MACROD2: variants seen among roughly 807,000 people sequenced by gnomAD.
MACROD2 encodes the protein ADP-ribose glycohydrolase MACROD2.
A neutral mutation model predicts 70.4 loss-of-function variants in MACROD2; 36 were observed. The observed-to-expected ratio is 0.51, with a 90% CI of 0.39 to 0.68. The LOEUF is 0.68. Among genes scored for constraint, MACROD2 ranks in the 30% least tolerant of loss-of-function variants. The pLI, the probability that MACROD2 is intolerant of heterozygous loss-of-function variation, is 0.00. For synonymous variants in MACROD2, 172 were observed against 178.8 expected (o/e 0.96, Z 0.30); for missense variants, 496 against 538.4 (o/e 0.92, Z 0.78).
intron 8 of MACROD2, among the ~76,000 whole-genome samples, chr20:15,804,248 T>G (rs1389945822): frequency 1.3e-5 from 2 of 152,216 alleles, no homozygotes; most frequent in Non-Finnish European, 2.9e-5. Flanking sequence ...GGATGGTTTT[T>G]TAAATTGTAG....
At chr20:14,028,810 A>G (rs1438172959) in intron 2 of MACROD2, among the ~76,000 whole-genome samples, 1 of 151,998 alleles carries the variant, frequency 6.6e-6, no homozygotes, top group African/African-American at 2.4e-5. Flanking sequence ...ACCGTCATTG[A>G]TCTCGCTGGG....
At chr20:14,414,778 G>C (rs1190563782) in intron 3 of MACROD2, among the ~76,000 whole-genome samples, 1 of 152,080 alleles carries the variant, frequency 6.6e-6, no homozygotes, top group Non-Finnish European at 1.5e-5. Flanking sequence ...TCCCTCTGCT[G>C]GGAATCCTGT....
intron 3 of MACROD2, among the ~76,000 whole-genome samples, chr20:14,184,065 C>A (rs1028973200): frequency 1.3e-5 from 2 of 151,968 alleles, no homozygotes; most frequent in African/African-American, 4.8e-5. Context: ...TCAATTTTTA[C>A]TTTTGTTACA....
At chr20:14,066,957 G>A (rs188794206) in intron 2 of MACROD2, among the ~76,000 whole-genome samples, 189 of 150,966 alleles carry the variant, frequency 1.3e-3, no homozygotes, top group Non-Finnish European at 2.0e-3. Flanking sequence ...GACTACAGGC[G>A]CCCACCACCA....
intron 5 of MACROD2, among the ~76,000 whole-genome samples, chr20:15,035,878 C>A (rs76801255): frequency 2.6e-5 from 4 of 152,204 alleles, no homozygotes; most frequent in Admixed American, 2.6e-4. Context: ...CAGCCCTGCT[C>A]CCCCTTTTTT....
At chr20:14,790,335 C>A (rs771951472) in intron 5 of MACROD2, among the ~76,000 whole-genome samples, 5 of 151,804 alleles carry the variant, frequency 3.3e-5, no homozygotes, top group Non-Finnish European at 7.4e-5. Flanking sequence ...CAATCCAAGG[C>A]CCAGGGCAAA....
rs546018417 is a variant in MACROD2, at chr20:16,005,172, A to G, written c.1153+18014A>G. 8.1e-4 allele frequency among the ~76,000 whole-genome samples: 124 copies of G among 152,330 alleles called. 1 individual carries two copies. The highest frequency in any genetic ancestry group is 3.7e-3 in the South Asian group (18 of 4,828). ...CATTCTCTCTACAAGGGTTGAAAAA[A>G]GAGCAAAAATAGGATCGGGGGCATA... On this transcript the variant is annotated intron_variant, in intron 15 of 17. Transcript: ENST00000684519.
intron 5 of MACROD2, among the ~76,000 whole-genome samples, chr20:14,701,721 T>C (rs1211095874): frequency 6.6e-6 from 1 of 152,180 alleles, no homozygotes; most frequent in African/African-American, 2.4e-5. Flanking sequence ...GTATTAAAGA[T>C]AGTTTCACTA....
At chr20:14,673,812 C>T (rs2070825157) in intron 4 of MACROD2, among the ~76,000 whole-genome samples, 1 of 149,534 alleles carries the variant, frequency 6.7e-6, no homozygotes, top group South Asian at 2.1e-4. Context: ...CTCAGCTACT[C>T]GGGAGGCTGA....
At chr20:15,098,806 C>G (rs2075851922) in intron 5 of MACROD2, among the ~76,000 whole-genome samples, 1 of 152,206 alleles carries the variant, frequency 6.6e-6, no homozygotes, top group Non-Finnish European at 1.5e-5. Context: ...GATGTTTCCC[C>G]TTTGGGGGGA....
intron 3 of MACROD2, among the ~76,000 whole-genome samples, chr20:14,248,093 AT>A (rs958770765): frequency 8.2e-5 from 8 of 97,886 alleles, no homozygotes; most frequent in African/African-American, 2.9e-4. Context: ...GATACGCCAT[AT>A]TTTTTTTACT....
chr20:15,965,023 T>A (rs1158891283), intron 12 of MACROD2, among the ~76,000 whole-genome samples: 1 of 152,172 alleles, frequency 6.6e-6, no homozygotes, highest in Non-Finnish European at 1.5e-5. Context: ...TGTGCACACA[T>A]CGAATATACT....
At chr20:15,531,958 T>C (rs1192657326) in intron 8 of MACROD2, among the ~76,000 whole-genome samples, 2 of 152,174 alleles carry the variant, frequency 1.3e-5, no homozygotes, top group African/African-American at 2.4e-5. Flanking sequence ...CAAATTACTC[T>C]TTTATTGTGT....
At chr20:14,442,755 C>G (rs1360221927) in intron 3 of MACROD2, among the ~76,000 whole-genome samples, 2 of 151,972 alleles carry the variant, frequency 1.3e-5, no homozygotes, top group Non-Finnish European at 2.9e-5. Flanking sequence ...ACCTACCTCC[C>G]CACAAGAGAT....
intron 5 of MACROD2, among the ~76,000 whole-genome samples, chr20:15,152,266 T>A (rs139841349): frequency 2.3e-4 from 35 of 151,904 alleles, no homozygotes; most frequent in Non-Finnish European, 4.4e-4. Context: ...GGTTTTAAGT[T>A]CTTAAGAACG....
intron 7 of MACROD2, among the ~76,000 whole-genome samples, chr20:15,479,473 C>A (rs921957960): frequency 6.6e-6 from 1 of 151,520 alleles, no homozygotes; most frequent in East Asian, 1.9e-4. Flanking sequence ...GGGGTTTCAC[C>A]GTTTTTAGCC....
intron 3 of MACROD2, among the ~76,000 whole-genome samples, chr20:14,428,981 G>T (rs2083965108): frequency 6.6e-6 from 1 of 152,088 alleles, no homozygotes; most frequent in Non-Finnish European, 1.5e-5. Context: ...TCCTGTTCTT[G>T]AACTTCCCTC....
intron 9 of MACROD2, among the ~76,000 whole-genome samples, chr20:15,863,175 C>G (rs192281475): frequency 2.2e-4 from 33 of 152,064 alleles, no homozygotes; most frequent in African/African-American, 7.7e-4. Flanking sequence ...TTACCAGGCC[C>G]CATGCCTGCA....
intron 3 of MACROD2, among the ~76,000 whole-genome samples, chr20:14,101,993 CTTTTTTTTTTTTTT>C (rs66890047): frequency 1.2e-4 from 3 of 25,050 alleles, no homozygotes; most frequent in East Asian, 1.5e-3. Flanking sequence ...TTTAATGAGT[CTTTTTTTTTTTTTT>C]TTTTTTTTTT....
Sources: allele counts gnomAD v4.1 joint callset (sites outside exome capture counted in the v4.1 genomes callset), GRCh38; gene constraint gnomAD v4.1.1; transcripts MANE v1.5; gene names NCBI Gene and HGNC (gene_info 2026-07-23, HGNC 2026-07-21).